EXOC2: variants seen among roughly 807,000 people sequenced by gnomAD.
EXOC2 encodes exocyst complex component 2.
A neutral mutation model predicts 131.8 loss-of-function variants in EXOC2; 70 were observed. That is an observed-to-expected ratio of 0.53 (90% CI 0.44 to 0.65). The LOEUF (loss-of-function observed/expected upper bound fraction) is 0.65. EXOC2 is among the 30% of genes least tolerant of loss of function. The pLI is 0.00. For synonymous variants in EXOC2, 411 were observed against 398.4 expected (o/e 1.03, Z -0.38); for missense variants, 923 against 1,108.6 (o/e 0.83, Z 2.38).
chr6:663,871 C>T (rs900404445), intron 1 of EXOC2, among the ~76,000 whole-genome samples: 6 of 152,174 alleles, frequency 3.9e-5, no homozygotes, highest in Middle Eastern at 3.2e-3. Context: ...CCTCTGAGAA[C>T]GGGAACAAGA....
rs1759926988 is a variant in EXOC2, at chr6:598,190, A to G, written c.971-67T>C. ...AATTTAATATCAAATTTCAAAAAGCAGAATAGTAGTTGCTTTTGTGGGGTG... is the reference window on the plus strand; with the variant it reads ...AATTTAATATCAAATTTCAAAAAGCGGAATAGTAGTTGCTTTTGTGGGGTG... On this transcript the variant is annotated intron_variant, in intron 9 of 27. Transcript: ENST00000230449. 31 of 1,344,158 alleles carry G rather than the reference A, an allele frequency of 2.3e-5. No homozygotes were observed. In the South Asian group the frequency reaches 4.0e-4, roughly 17 times the overall value. The allele number at this position is 1,344,158 out of a possible 1,614,324, so 83.3% of individuals were successfully genotyped here.
chr6:595,800 C>T lies in EXOC2; in HGVS notation c.1073+2221G>A, dbSNP rs557343625. 1.5e-4 allele frequency among the ~76,000 whole-genome samples: 23 copies of T among 152,194 alleles called. No homozygotes were observed. The East Asian group carries it at 4.2e-3, about 28-fold the overall frequency. On this transcript the variant is annotated intron_variant, in intron 10 of 27. Transcript: ENST00000230449. The stretch of plus-strand genomic sequence containing the variant: ...CAGGACGTCTGAGGCTACCCAGCTG[C>T]GTGTCCTGGACACTACGCTCAACCT...
chr6:691,715 G>C (rs1163847637), intron 1 of EXOC2, among the ~76,000 whole-genome samples: 1 of 152,210 alleles, frequency 6.6e-6, no homozygotes, highest in Non-Finnish European at 1.5e-5. Context: ...CCCCAGTGTT[G>C]TTCAAGGGTC....
At chr6:615,987 C>T (rs948110202) in intron 6 of EXOC2, among the ~76,000 whole-genome samples, 3 of 152,104 alleles carry the variant, frequency 2.0e-5, no homozygotes, top group African/African-American at 7.2e-5. Flanking sequence ...ATGTCCTTGC[C>T]CTTACTTGGG....
intron 20 of EXOC2, among the ~76,000 whole-genome samples, chr6:554,943 A>G (rs1178660614): frequency 4.6e-5 from 7 of 152,206 alleles, no homozygotes; most frequent in Non-Finnish European, 4.4e-5. Context: ...GGAGTTACAT[A>G]TTTACATTTA....
At chr6:598,588 C>T (rs74599665) in intron 9 of EXOC2, among the ~76,000 whole-genome samples, 13,595 of 152,126 alleles carry the variant, frequency 0.089, 1,035 homozygotes, top group African/African-American at 0.21. Context: ...TCATTGATTC[C>T]TTCCAGTAAA....
intron 13 of EXOC2, among the ~76,000 whole-genome samples, chr6:570,619 T>A (rs1278912233): frequency 6.6e-6 from 1 of 152,224 alleles, no homozygotes; most frequent in Non-Finnish European, 1.5e-5. Flanking sequence ...CTCCAAATAA[T>A]AACAGCAAAC....
intron 22 of EXOC2, among the ~76,000 whole-genome samples, chr6:546,617 A>G (rs1444181031): frequency 6.6e-6 from 1 of 152,196 alleles, no homozygotes; most frequent in Non-Finnish European, 1.5e-5. Flanking sequence ...TCCTCAGCCT[A>G]GTCCACATGA....
intron 15 of EXOC2, 47 bp downstream of exon 15, chr6:564,497 TA>T (rs372293083): frequency 3.3e-5 from 53 of 1,599,650 alleles, no homozygotes; most frequent in Non-Finnish European, 3.9e-5. Context: ...TCCAAAAAGT[TA>T]AAAAAAACAG....
At chr6:638,981 C>G (rs1200686100) in intron 1 of EXOC2, among the ~76,000 whole-genome samples, 1 of 151,916 alleles carries the variant, frequency 6.6e-6, no homozygotes, top group Non-Finnish European at 1.5e-5. Flanking sequence ...AACTCAAGTG[C>G]TCAGGGCTTC....
chr6:576,028 C>T (rs1025074921), intron 12 of EXOC2, among the ~76,000 whole-genome samples: 1 of 152,110 alleles, frequency 6.6e-6, no homozygotes, highest in Admixed American at 6.5e-5. Context: ...ATTAATAAAA[C>T]CTTCGAAAAA....
chr6:529,093 T>C (rs572053267), intron 23 of EXOC2, among the ~76,000 whole-genome samples: 27 of 126,234 alleles, frequency 2.1e-4, no homozygotes, highest in African/African-American at 7.3e-4. Flanking sequence ...AGATCCCCGT[T>C]AGCCCGGCAT....
intron 1 of EXOC2, among the ~76,000 whole-genome samples, chr6:681,196 C>T (rs563198219): frequency 1.8e-4 from 27 of 152,218 alleles, no homozygotes; most frequent in Non-Finnish European, 3.7e-4. Context: ...TCACAATCAA[C>T]CTGTGACAGC....
intron 1 of EXOC2, among the ~76,000 whole-genome samples, chr6:644,827 G>A (rs534691141): frequency 1.3e-5 from 2 of 152,128 alleles, no homozygotes; most frequent in South Asian, 4.1e-4. Context: ...ATATACTGCA[G>A]AGACAAAATA....
chr6:652,974 TATTC>T (rs1170000958), intron 1 of EXOC2, among the ~76,000 whole-genome samples: 1 of 152,202 alleles, frequency 6.6e-6, no homozygotes, highest in Non-Finnish European at 1.5e-5. Flanking sequence ...ATCTCAAACT[TATTC>T]ATTATCATTA....
intron 1 of EXOC2, among the ~76,000 whole-genome samples, chr6:655,278 C>T (rs985699207): frequency 6.6e-6 from 1 of 152,212 alleles, no homozygotes; most frequent in East Asian, 1.9e-4. Context: ...TTGCTGAGGG[C>T]TCAGATGAGC....
chr6:603,344 T>C (rs756689971), intron 7 of EXOC2, among the ~76,000 whole-genome samples: 3 of 152,142 alleles, frequency 2.0e-5, no homozygotes, highest in Non-Finnish European at 4.4e-5. Flanking sequence ...AATGACGAGA[T>C]AGGCTGCCGG....
chr6:534,732 C>A (rs1248247562), intron 22 of EXOC2, among the ~76,000 whole-genome samples: 1 of 152,230 alleles, frequency 6.6e-6, no homozygotes, highest in Non-Finnish European at 1.5e-5. Context: ...TAAAATCAAA[C>A]ACATCAGAAC....
intron 23 of EXOC2, among the ~76,000 whole-genome samples, chr6:511,220 T>C (rs1171156061): frequency 2.0e-5 from 3 of 152,072 alleles, no homozygotes; most frequent in African/African-American, 4.8e-5. Flanking sequence ...GCTGAGCGGG[T>C]CCCGCACCCC....
Sources: gnomAD v4.1 joint callset for allele counts (sites outside exome capture counted in the v4.1 genomes callset) on GRCh38, gnomAD v4.1.1 for gene constraint, MANE v1.5 for transcripts, NCBI Gene and HGNC (gene_info 2026-07-23, HGNC 2026-07-21) for gene names.